Variants in TBXA2R observed in about 807,000 individuals in gnomAD.
The protein encoded by TBXA2R is thromboxane A2 receptor.
TBXA2R carries 15 observed loss-of-function variants against 15.6 expected under a neutral mutation model. That is an observed-to-expected ratio of 0.96 (90% CI 0.64 to 1.48). The LOEUF (loss-of-function observed/expected upper bound fraction) is 1.48, where lower values mean the gene tolerates loss of function less well. TBXA2R is among the 40% of genes most tolerant of loss of function. The probability of loss-of-function intolerance (pLI) is 0.00; values close to 1 mark genes in which losing one functional copy is unlikely to be tolerated. For missense variants in TBXA2R, 506 were observed against 491.4 expected (o/e 1.03, Z -0.28); for synonymous variants, 280 against 241.2 (o/e 1.16, Z -1.49).
At chr19:3,602,806 G>A (rs2032763092) in intron 1 of TBXA2R, among the ~76,000 whole-genome samples, 1 of 151,750 alleles carries the variant, frequency 6.6e-6, no homozygotes, top group South Asian at 2.1e-4. Flanking sequence ...GGAGGCCCAG[G>A]TGGGCGGATC....
At chr19:3,599,813 A>G (rs1270326383) in intron 2 of TBXA2R, 36 bp downstream of exon 2, 1 of 1,548,010 alleles carries the variant, frequency 6.5e-7, no homozygotes, top group African/African-American at 1.4e-5. Context: ...AGGTCCAGTC[A>G]GGAGGGTAGC....
Position 3,595,451 on chromosome 19 carries a change from G to A in TBXA2R, c.*237C>T, listed in dbSNP as rs2032579607. ...TTCCTGGGGTTGGGAGGGACGCAGA[G>A]AAGGGGTGGGAGCTCTGGATGGGAA... On this transcript the variant is annotated 3_prime_UTR_variant, in exon 3 of 3. Transcript: ENST00000375190. 7.1e-7 allele frequency: 1 copy of A among 1,415,164 alleles called. No homozygotes were observed. The highest frequency in any genetic ancestry group is 9.2e-7 in the Non-Finnish European group (1 of 1,089,514). 87.7% of individuals were successfully genotyped at this position (1,415,164 alleles called of 1,614,324 possible).
chr19:3,603,499 G>A (rs2032776387), intron 1 of TBXA2R, among the ~76,000 whole-genome samples: 1 of 152,218 alleles, frequency 6.6e-6, no homozygotes, highest in Non-Finnish European at 1.5e-5. Flanking sequence ...CCTGGGACAA[G>A]GCGTTCCTCC....
At position 3,600,015 on chromosome 19, in the gene TBXA2R, GA is replaced by G; in HGVS notation, c.619del (p.Ser207ArgfsTer8). The G allele has an allele frequency of 6.2e-7, 1 of 1,611,778 alleles. No individual in the cohort carries two copies. Among genetic ancestry groups the G allele is most frequent in the Non-Finnish European group, 8.5e-7 (1 of 1,179,320 alleles). ...GLLFSMLGGLSVGLSFLLNTV... is the reference protein window; with the variant it reads ...GLLFSMLGGLXVGLSFLLNTV... ...GTTCAGCAGGAAGGACAGCCCGACC[GA>G]GAGGCCGCCCAGCATGGAGAAGAGC... is the stretch of plus-strand genomic sequence containing the variant. On this transcript the variant is annotated frameshift_variant, in exon 2 of 3. Coordinates refer to ENST00000375190, the MANE Select transcript of TBXA2R (RefSeq NM_001060.6). LOFTEE classifies it high-confidence loss of function.
intron 1 of TBXA2R, among the ~76,000 whole-genome samples, chr19:3,602,756 G>C (rs1442857839): frequency 8.5e-6 from 1 of 117,424 alleles, no homozygotes; most frequent in African/African-American, 3.3e-5. Flanking sequence ...GCAAAACTCC[G>C]TCTCAAAAAA....
At chr19:3,596,858 G>C (rs1048381982) in intron 2 of TBXA2R, among the ~76,000 whole-genome samples, 11 of 151,554 alleles carry the variant, frequency 7.3e-5, no homozygotes, top group Non-Finnish European at 1.6e-4. Context: ...TGGGATTACA[G>C]GTGTGAGCCA....
At chr19:3,603,785 C>G (rs924871568) in intron 1 of TBXA2R, among the ~76,000 whole-genome samples, 1 of 152,186 alleles carries the variant, frequency 6.6e-6, no homozygotes, top group Non-Finnish European at 1.5e-5. Context: ...TTCCAATCCC[C>G]CCACCTCCAC....
chr19:3,598,903 C>T (rs2032655346), intron 2 of TBXA2R, among the ~76,000 whole-genome samples: 3 of 152,102 alleles, frequency 2.0e-5, no homozygotes, highest in Admixed American at 2.0e-4. Flanking sequence ...CTCTTGACCT[C>T]ATGATCTGCC....
chr19:3,596,506 G>C (rs1015898291), intron 2 of TBXA2R, among the ~76,000 whole-genome samples: 14 of 152,126 alleles, frequency 9.2e-5, no homozygotes, highest in African/African-American at 3.4e-4. Context: ...AGGAGTTCAA[G>C]ACCAGCCTGG....
intron 1 of TBXA2R, among the ~76,000 whole-genome samples, chr19:3,606,191 C>T (rs574296124): frequency 1.7e-4 from 26 of 152,350 alleles, no homozygotes; most frequent in Admixed American, 1.1e-3. Context: ...CAACCACACT[C>T]GATCCCTGCC....
intron 1 of TBXA2R, among the ~76,000 whole-genome samples, chr19:3,602,904 C>T (rs1347446371): frequency 3.3e-5 from 5 of 151,322 alleles, no homozygotes; most frequent in African/African-American, 7.3e-5. Context: ...GGCGTGGTGG[C>T]GGGCGCCCGT....
Position 3,599,928 on chromosome 19 carries a change from G to T in TBXA2R, c.707C>A (p.Pro236His). ...YHGQEAAQQR[P>H]RDSEVEMMAQ... ...CATCATCTCCACCTCGGAGTCCCGG[G>T]GACGCTGCTGGGCCGCCTCCTGCCC... Residue 236 changes from proline (P) to histidine (H), a missense_variant, in exon 2 of 3, where the codon CCC becomes CAC. By Grantham distance (77) the Pro-to-His change is moderately conservative. Transcript: ENST00000375190. The T allele has an allele frequency of 6.4e-7, 1 of 1,551,850 alleles. No homozygotes were observed. The highest frequency in any genetic ancestry group is 2.4e-5 in the East Asian group (1 of 41,018).
At chr19:3,595,964 C>T in intron 2 of TBXA2R, 31 bp from the exon 3 acceptor site, 1 of 1,566,516 alleles carries the variant, frequency 6.4e-7, no homozygotes, top group Non-Finnish European at 8.6e-7. Context: ...AGCCTGGGCC[C>T]CCGCCTCCAG....
intron 1 of TBXA2R, 109 bp from the exon 2 acceptor site, chr19:3,600,826 G>GTTTTTTTTTTT: frequency 2.5e-6 from 1 of 399,762 alleles, no homozygotes; most frequent in Non-Finnish European, 4.5e-6. Flanking sequence ...ATCCTCTCCG[G>GTTTTTTTTTTT]TTTTTTTTTT....
rs535492797 is a variant in TBXA2R at position 3,598,779 on chromosome 19, T to G, written c.786+1070A>C. On this transcript the variant is annotated intron_variant, in intron 2 of 2. Coordinates refer to ENST00000375190, the MANE Select transcript of TBXA2R (RefSeq NM_001060.6). ...CGCCTCCTGGGTTCAAGCGATTCTCTTGCCTCAGCCTCCCAAGTAGCTGGG... is the reference window on the plus strand; with the variant it reads ...CGCCTCCTGGGTTCAAGCGATTCTCGTGCCTCAGCCTCCCAAGTAGCTGGG... 3.3e-5 allele frequency among the ~76,000 whole-genome samples: 5 copies of G among 151,640 alleles called. No individual in the cohort carries two copies. The East Asian group carries it at 9.8e-4, about 30-fold the overall frequency.
At position 3,595,719 on chromosome 19, in the gene TBXA2R, G is replaced by T; in HGVS notation, c.1001C>A (p.Pro334His). The T allele has an allele frequency of 6.3e-7, 1 of 1,598,900 alleles. No individual in the cohort carries two copies. Among genetic ancestry groups the T allele is most frequent in the Non-Finnish European group, 8.5e-7 (1 of 1,173,658 alleles). Residue 334 changes from proline to histidine, a missense_variant, in exon 3 of 3, where the codon CCC (proline) becomes CAC (histidine). By Grantham distance (77) the Pro-to-His change is moderately conservative (BLOSUM62 -2). Transcript: ENST00000375190. The stretch of plus-strand genomic sequence containing the variant: ...CAGCCCGGAGCGCTGCGTGAGCTGG[G>T]GCTGGAGGGACAGCGACCTGGGCCG... ...STRPRSLSLQ[P>H]QLTQRSGLQ
intron 1 of TBXA2R, among the ~76,000 whole-genome samples, chr19:3,601,559 G>A (rs1375948710): frequency 1.3e-5 from 2 of 150,012 alleles, no homozygotes; most frequent in Non-Finnish European, 3.0e-5. Context: ...AAACAAAAAC[G>A]CTAAAAACCC....
At position 3,599,844 on chromosome 19, in the gene TBXA2R, C is replaced by T; in HGVS notation, c.786+5G>A. On this transcript the variant is annotated splice_donor_5th_base_variant and intron_variant, in intron 2 of 2. Coordinates refer to ENST00000375190, the MANE Select transcript of TBXA2R (RefSeq NM_001060.6). Reference sequence around the variant, plus strand: ...GTAGCAGGACCCCGCAGAGCCCCTACTCACCAGAAGGGGCAGCCAACACAC... The same window carrying T: ...GTAGCAGGACCCCGCAGAGCCCCTATTCACCAGAAGGGGCAGCCAACACAC... 1.9e-6 allele frequency: 3 copies of T among 1,548,966 alleles called. No individual in the cohort carries two copies. The highest frequency in any genetic ancestry group is 2.6e-6 in the Non-Finnish European group (3 of 1,146,954).
chr19:3,596,714 T>C (rs188811675), intron 2 of TBXA2R, among the ~76,000 whole-genome samples: 8,971 of 150,598 alleles, frequency 0.06, 371 homozygotes, highest in Non-Finnish European at 0.085. Context: ...CCCGAGTAGC[T>C]GGGACTACAG....
Sources: allele counts gnomAD v4.1 joint callset (sites outside exome capture counted in the v4.1 genomes callset), GRCh38; gene constraint gnomAD v4.1.1; transcripts MANE v1.5; gene names NCBI Gene and HGNC (gene_info 2026-07-23, HGNC 2026-07-21).